The following AGAP1 variants were observed in gnomAD, a reference collection of about 807,000 sequenced individuals.
The protein encoded by AGAP1 is ArfGAP with GTPase domain, ankyrin repeat and PH domain 1, also known as arf-GAP with GTPase, ANK repeat and PH domain-containing protein 1.
AGAP1 carries 29 observed loss-of-function variants against 105.3 expected under a neutral mutation model. The observed-to-expected ratio is 0.28, with a 90% CI of 0.21 to 0.38. The LOEUF (loss-of-function observed/expected upper bound fraction) is 0.38. Ranked by LOEUF, AGAP1 falls within the 10% of genes least tolerant of loss-of-function variation. AGAP1 has a pLI of 1.00. For synonymous variants in AGAP1, 509 were observed against 485.9 expected (o/e 1.05, Z -0.63); for missense variants, 998 against 1,165.1 (o/e 0.86, Z 2.09).
Position 236,083,814 on chromosome 2 carries a change from C to T in AGAP1, c.2114+34533C>T, listed in dbSNP as rs951710583. ...ATAAACCATCGCAGAGCAAGGAGTG[C>T]CTCTTCTGAGATCCCATTCGATGCT... On this transcript the variant is annotated intron_variant, in intron 16 of 17. Transcript: ENST00000304032. The surrounding 1 kb of genome is among the most constrained non-coding windows in gnomAD (Gnocchi z 5.3). Among the ~76,000 whole-genome samples the T allele has an allele frequency of 2.6e-5, 4 of 152,044 alleles. No individual in the cohort carries two copies. Among genetic ancestry groups the T allele is most frequent in the Non-Finnish European group, 4.4e-5 (3 of 68,016 alleles).
At position 235,659,776 on chromosome 2, in the gene AGAP1, G is replaced by C. The variant is rs1243656657; in HGVS notation, c.164-49403G>C. On this transcript the variant is annotated intron_variant, in intron 1 of 17. Transcript: ENST00000304032. This position sits in a 1 kb window ranked among gnomAD's most constrained non-coding sequence, Gnocchi z 5.0. The stretch of plus-strand genomic sequence containing the variant: ...CTGGATCAATAGTGTATATTTCTTT[G>C]TCTCTCAGTTGGGGCCCTGGCCTCT... Among the ~76,000 whole-genome samples, 1 of 152,188 alleles carries C rather than the reference G, an allele frequency of 6.6e-6. No individual in the cohort carries two copies. The highest frequency in any genetic ancestry group is 2.4e-5 in the African/African-American group (1 of 41,438).
At position 235,633,248 on chromosome 2, in the gene AGAP1, G is replaced by A. The variant is rs1946885436; in HGVS notation, c.164-75931G>A. Among the ~76,000 whole-genome samples, 1 of 152,138 alleles carries A rather than the reference G, an allele frequency of 6.6e-6. No individual in the cohort carries two copies. Among genetic ancestry groups the A allele is most frequent in the South Asian group, 2.1e-4 (1 of 4,824 alleles). ...AAGATTCAGGGGAGGTCGTCTGTGT[G>A]CCTTGGTTCCATGACTTGGGGGCAG... is the stretch of plus-strand genomic sequence containing the variant. On this transcript the variant is annotated intron_variant, in intron 1 of 17. Coordinates refer to ENST00000304032, the MANE Select transcript of AGAP1 (RefSeq NM_001037131.3). This position sits in a 1 kb window ranked among gnomAD's most constrained non-coding sequence, Gnocchi z 4.8.
chr2:235,671,042 G>A, intron 1 of AGAP1: 1 of 1,287,516 alleles, frequency 7.8e-7, no homozygotes, highest in East Asian at 3.1e-5. Context: ...GAGCATCGAC[G>A]GCTCCCCGCG....
chr2:235,676,114 A>G (rs947696017), intron 1 of AGAP1, among the ~76,000 whole-genome samples: 1 of 152,236 alleles, frequency 6.6e-6, no homozygotes, highest in African/African-American at 2.4e-5. Context: ...AGCTGGAGCT[A>G]ACTAGAGCAC....
At chr2:235,666,728 GAC>G (rs1409732784) in intron 1 of AGAP1, among the ~76,000 whole-genome samples, 40 of 151,426 alleles carry the variant, frequency 2.6e-4, no homozygotes, top group Admixed American at 6.6e-4. Flanking sequence ...GTAATTGGGA[GAC>G]ACAAACAGTC....
chr2:235,749,830 C>G (rs571327720), intron 5 of AGAP1, among the ~76,000 whole-genome samples: 88 of 152,336 alleles, frequency 5.8e-4, no homozygotes, highest in Admixed American at 1.2e-3. Context: ...ACTAGAATGT[C>G]TGTTTCATGA....
At chr2:235,707,186 G>A (rs1950577378) in intron 1 of AGAP1, among the ~76,000 whole-genome samples, 1 of 152,236 alleles carries the variant, frequency 6.6e-6, no homozygotes, top group Admixed American at 6.5e-5. Context: ...GCAGGGAGAA[G>A]TCCGCCTCCC....
intron 13 of AGAP1, among the ~76,000 whole-genome samples, chr2:236,008,777 C>G (rs1193759415): frequency 1.3e-5 from 2 of 152,156 alleles, no homozygotes; most frequent in African/African-American, 4.8e-5. Flanking sequence ...AAGGAAGCCA[C>G]CAATGTGAAA....
intron 6 of AGAP1, among the ~76,000 whole-genome samples, chr2:235,794,559 C>A (rs1210115480): frequency 6.6e-6 from 1 of 152,160 alleles, no homozygotes; most frequent in Non-Finnish European, 1.5e-5. Context: ...GCGACCTCTG[C>A]CTCCCCGGTT....
intron 1 of AGAP1, among the ~76,000 whole-genome samples, chr2:235,666,321 T>C (rs1047219081): frequency 6.6e-6 from 1 of 152,040 alleles, no homozygotes; most frequent in African/African-American, 2.4e-5. Context: ...CCTGAACATA[T>C]ATAGTATTGT....
chr2:235,972,304 T>C (rs977845825), intron 13 of AGAP1, among the ~76,000 whole-genome samples: 3 of 152,184 alleles, frequency 2.0e-5, no homozygotes, highest in Non-Finnish European at 4.4e-5. Context: ...TTCAAATCTC[T>C]TTAGAGTATA....
chr2:235,873,970 C>T (rs1416559541), intron 9 of AGAP1, among the ~76,000 whole-genome samples: 2 of 152,288 alleles, frequency 1.3e-5, no homozygotes, highest in East Asian at 3.9e-4. Context: ...CTCACACAGT[C>T]CCCTCGCCTC....
At chr2:235,606,945 GAA>G (rs5839603) in intron 1 of AGAP1, among the ~76,000 whole-genome samples, 359 of 61,916 alleles carry the variant, frequency 5.8e-3, no homozygotes, top group Middle Eastern at 0.013. Flanking sequence ...ACTGCCTCTT[GAA>G]AAAAAAAAAA....
chr2:235,869,900 TAAC>T (rs1267792444), intron 9 of AGAP1, among the ~76,000 whole-genome samples: 2 of 152,204 alleles, frequency 1.3e-5, no homozygotes, highest in Admixed American at 1.3e-4. Context: ...TCTGACCTCT[TAAC>T]AAGGCTGCGC....
At chr2:235,645,911 G>A (rs1051008540) in intron 1 of AGAP1, among the ~76,000 whole-genome samples, 1 of 152,130 alleles carries the variant, frequency 6.6e-6, no homozygotes, top group Non-Finnish European at 1.5e-5. Context: ...ACAATTCTTT[G>A]CTCCATTGCT....
chr2:235,557,122 T>C lies in AGAP1; in HGVS notation c.163+62273T>C, dbSNP rs538096207. On this transcript the variant is annotated intron_variant, in intron 1 of 17. Transcript: ENST00000304032. This position sits in a 1 kb window ranked among gnomAD's most constrained non-coding sequence, Gnocchi z 4.7. Reference sequence around the variant, plus strand: ...TCTGGAGCCCGTGGGTCTGGTTGTCTTGCTGACCTGGTCTGCCTCCTGCTT... The same window carrying C: ...TCTGGAGCCCGTGGGTCTGGTTGTCCTGCTGACCTGGTCTGCCTCCTGCTT... 7.9e-5 allele frequency among the ~76,000 whole-genome samples: 12 copies of C among 152,204 alleles called. No individual in the cohort carries two copies. The South Asian group carries it at 2.5e-3, about 32-fold the overall frequency.
intron 9 of AGAP1, among the ~76,000 whole-genome samples, chr2:235,859,812 A>G (rs905146934): frequency 3.3e-5 from 5 of 152,216 alleles, no homozygotes; most frequent in African/African-American, 1.2e-4. Flanking sequence ...AAAGGCTCTG[A>G]AATGCCTCCG....
chr2:235,498,506 A>G (rs536908391), intron 1 of AGAP1, among the ~76,000 whole-genome samples: 2 of 152,338 alleles, frequency 1.3e-5, no homozygotes, highest in African/African-American at 4.8e-5. Flanking sequence ...CAGTCTGAAC[A>G]GCGTGTGTTA....
In AGAP1 at chr2:235,953,879, A is replaced by G. The variant is rs2053841836; in HGVS notation, c.1484-14583A>G. Reference sequence around the variant, plus strand: ...TTCAAGGCTGCAGTGAGCTTTGATCATGCCACTGCACTCCAGCCTGGTGAG... The same window carrying G: ...TTCAAGGCTGCAGTGAGCTTTGATCGTGCCACTGCACTCCAGCCTGGTGAG... On this transcript the variant is annotated intron_variant, in intron 12 of 17. Coordinates refer to ENST00000304032, the MANE Select transcript of AGAP1 (RefSeq NM_001037131.3). The surrounding 1 kb of genome is among the most constrained non-coding windows in gnomAD (Gnocchi z 5.2). 6.6e-6 allele frequency among the ~76,000 whole-genome samples: 1 copy of G among 151,396 alleles called. No individual in the cohort carries two copies. Among genetic ancestry groups the G allele is most frequent in the African/African-American group, 2.4e-5 (1 of 41,166 alleles).
Sources: allele counts gnomAD v4.1 joint callset (sites outside exome capture counted in the v4.1 genomes callset), GRCh38; gene constraint gnomAD v4.1.1; non-coding constraint Gnocchi (gnomAD v3.1); transcripts MANE v1.5; gene names NCBI Gene and HGNC (gene_info 2026-07-23, HGNC 2026-07-21).